Variants in YIPF6 observed in about 807,000 individuals in gnomAD.
YIPF6 encodes the protein protein YIPF6.
In YIPF6, 3 loss-of-function variants were observed where a neutral mutation model predicts 16.8. That is an observed-to-expected ratio of 0.18 (90% CI 0.08 to 0.46). The LOEUF (loss-of-function observed/expected upper bound fraction) is 0.46, where lower values mean the gene tolerates loss of function less well. YIPF6 is among the 20% of genes least tolerant of loss of function. The pLI is 0.98. For synonymous variants in YIPF6, 67 were observed against 61.9 expected (o/e 1.08, Z -0.38); for missense variants, 145 against 184.9 (o/e 0.78, Z 1.25).
intron 4 of YIPF6, among the ~76,000 whole-genome samples, chrX:68,519,777 A>G (rs1379402924): frequency 9.0e-6 from 1 of 111,696 alleles, no homozygotes; most frequent in African/African-American, 3.3e-5. Context: ...TTAAATTTAA[A>G]TTGAGCATAT....
At chrX:68,499,626 C>G (rs772153348) in intron 1 of YIPF6, among the ~76,000 whole-genome samples, 5 of 111,448 alleles carry the variant, frequency 4.5e-5, no homozygotes, top group African/African-American at 1.6e-4. Flanking sequence ...TACTTGTTCT[C>G]CTTTCTTATT....
chrX:68,505,180 C>T (rs369760210), intron 1 of YIPF6, among the ~76,000 whole-genome samples: 4 of 111,547 alleles, frequency 3.6e-5, no homozygotes, highest in Non-Finnish European at 7.5e-5. Flanking sequence ...GAGGCCAAGG[C>T]GGGCGGATCA....
intron 5 of YIPF6, among the ~76,000 whole-genome samples, chrX:68,522,142 G>T (rs1209432725): frequency 9.1e-6 from 1 of 110,290 alleles, no homozygotes; most frequent in African/African-American, 3.3e-5. Context: ...AGTATAATAG[G>T]TCTATAAACT....
At position 68,534,275 on chromosome X, in the gene YIPF6, G is replaced by A. The variant is rs761550035; in HGVS notation, c.*2276G>A. The A allele has an allele frequency of 9.0e-6, 1 of 111,116 alleles. No individual in the cohort carries two copies. Among genetic ancestry groups the A allele is most frequent in the Non-Finnish European group, 1.9e-5 (1 of 52,956 alleles). The allele number at this position is 111,116 out of a possible 1,213,427, so 9.2% of individuals were successfully genotyped here. ...AACAAAAGACATTGTTCTATTTATA[G>A]CATTCTTTTTTTTTTTTAGTAGCGG... On this transcript the variant is annotated 3_prime_UTR_variant, in exon 7 of 7. Coordinates refer to ENST00000462683, the MANE Select transcript of YIPF6 (RefSeq NM_173834.4).
chrX:68,512,921 G>A (rs1201557682), intron 2 of YIPF6, among the ~76,000 whole-genome samples: 1 of 108,822 alleles, frequency 9.2e-6, no homozygotes, highest in Non-Finnish European at 1.9e-5. Flanking sequence ...TGCAAAGAAT[G>A]TAGTAGCTAG....
intron 3 of YIPF6, among the ~76,000 whole-genome samples, chrX:68,516,722 T>G (rs752699119): frequency 8.9e-6 from 1 of 112,292 alleles, no homozygotes; most frequent in South Asian, 3.7e-4. Flanking sequence ...CGATGTGGAA[T>G]ATTTGCCTTT....
At chrX:68,504,421 G>A (rs1016171334) in intron 1 of YIPF6, among the ~76,000 whole-genome samples, 3 of 111,372 alleles carry the variant, frequency 2.7e-5, no homozygotes, top group East Asian at 5.6e-4. Context: ...TCATATGTGC[G>A]GTGTTTCTGA....
rs1488959004 is a variant in YIPF6, at chrX:68,499,198, C to T, written c.57+75C>T. 12 of 1,108,665 alleles carry T rather than the reference C, an allele frequency of 1.1e-5. No individual in the cohort carries two copies. The Admixed American group carries it at 2.1e-4, about 19-fold the overall frequency. 91.4% of individuals were successfully genotyped at this position (1,108,665 alleles called of 1,213,427 possible). ...CCCTAAAGAAGTCGGGGGACGGGCTCGTGGCCTGAGAGCCGGAGCTCCTTC... is the reference window on the plus strand; with the variant it reads ...CCCTAAAGAAGTCGGGGGACGGGCTTGTGGCCTGAGAGCCGGAGCTCCTTC... On this transcript the variant is annotated intron_variant, in intron 1 of 6. Transcript: ENST00000462683.
At position 68,514,824 on chromosome X, in the gene YIPF6, T is replaced by C. The variant is rs146412561; in HGVS notation, c.265+1419T>C. On this transcript the variant is annotated intron_variant, in intron 3 of 6. Transcript: ENST00000462683. ...TTAGTCTGATGACTGCTTTCTTTAT[T>C]AGAGTTCTGTCAAAACAGACAGCGT... is the stretch of plus-strand genomic sequence containing the variant. The C allele has an allele frequency of 3.5e-5, 4 of 112,951 alleles. No homozygotes were observed. In the East Asian group the frequency reaches 1.1e-3, roughly 31 times the overall value. The allele number at this position is 112,951 out of a possible 1,213,427, so 9.3% of individuals were successfully genotyped here. A position where few individuals can be genotyped will look rare whatever the true frequency, so the allele number is the denominator to read the frequency against.
chrX:68,503,588 T>TA (rs1174872147), intron 1 of YIPF6, among the ~76,000 whole-genome samples: 2 of 109,780 alleles, frequency 1.8e-5, no homozygotes, highest in Admixed American at 9.8e-5. Context: ...GGGGAGAGAG[T>TA]AGGGGATCAC....
intron 1 of YIPF6, among the ~76,000 whole-genome samples, chrX:68,507,511 G>T (rs1390652098): frequency 9.0e-6 from 1 of 111,418 alleles, no homozygotes; most frequent in South Asian, 3.7e-4. Flanking sequence ...CTCTAAAAGT[G>T]TCCCTCCATT....
At chrX:68,500,191 TA>T (rs1174772635) in intron 1 of YIPF6, among the ~76,000 whole-genome samples, 1 of 112,435 alleles carries the variant, frequency 8.9e-6, no homozygotes, top group Non-Finnish European at 1.9e-5. Flanking sequence ...GTAACGTGTC[TA>T]ATACTATCAG....
intron 4 of YIPF6, among the ~76,000 whole-genome samples, chrX:68,519,171 A>T (rs1050644938): frequency 1.8e-5 from 2 of 112,330 alleles, no homozygotes; most frequent in Admixed American, 9.5e-5. Context: ...TACTAAAAAT[A>T]TGAATGAGAA....
intron 3 of YIPF6, chrX:68,514,593 A>G (rs1365791533): frequency 8.9e-6 from 1 of 112,029 alleles, no homozygotes; most frequent in Non-Finnish European, 1.9e-5. Context: ...TGTTGTTAGT[A>G]GAGACGGGTT....
intron 1 of YIPF6, among the ~76,000 whole-genome samples, chrX:68,503,375 C>T (rs1200524700): frequency 8.9e-6 from 1 of 112,012 alleles, no homozygotes; most frequent in Non-Finnish European, 1.9e-5. Flanking sequence ...TCTGTGAGCA[C>T]ATCTATATAT....
chrX:68,526,484 G>T (rs756979960), intron 6 of YIPF6, among the ~76,000 whole-genome samples: 1 of 111,450 alleles, frequency 9.0e-6, no homozygotes, highest in East Asian at 2.8e-4. Context: ...TCTTTCTCTT[G>T]CCTGATTTCC....
At chrX:68,513,017 C>T (rs1161270155) in intron 2 of YIPF6, among the ~76,000 whole-genome samples, 1 of 111,283 alleles carries the variant, frequency 9.0e-6, no homozygotes, top group Non-Finnish European at 1.9e-5. Flanking sequence ...TTTTATAGTA[C>T]AATTGTTTTA....
In YIPF6 at chrX:68,503,244, A is replaced by G. The variant is rs139982821; in HGVS notation, c.57+4121A>G. 5.7e-3 allele frequency among the ~76,000 whole-genome samples: 630 copies of G among 111,040 alleles called. 3 individuals are homozygous for G. Among genetic ancestry groups the G allele is most frequent in the African/African-American group, 0.02 (604 of 30,558 alleles). On this transcript the variant is annotated intron_variant, in intron 1 of 6. Transcript: ENST00000462683. ...AGGATTTTGGTCAATAGTATAACCC[A>G]TTTGCTCCCAGCTATTTTTTTTAGG...
intron 2 of YIPF6, among the ~76,000 whole-genome samples, chrX:68,512,531 G>A (rs2079085269): frequency 9.0e-6 from 1 of 111,651 alleles, no homozygotes; most frequent in South Asian, 3.6e-4. Flanking sequence ...TGTAGTATAA[G>A]GAAAGTTTTA....
Sources: allele counts gnomAD v4.1 joint callset (sites outside exome capture counted in the v4.1 genomes callset), GRCh38; gene constraint gnomAD v4.1.1; transcripts MANE v1.5; gene names NCBI Gene and HGNC (gene_info 2026-07-23, HGNC 2026-07-21).